The following ADAM33 variants were observed in gnomAD, a reference collection of about 807,000 sequenced individuals.
ADAM33 encodes the protein ADAM metallopeptidase domain 33.
Under a neutral mutation model 106.2 loss-of-function variants are expected in ADAM33, and 103 were observed. That is an observed-to-expected ratio of 0.97 (90% CI 0.83 to 1.14). ADAM33 has a LOEUF of 1.14. ADAM33 is among the 50% of genes most tolerant of loss of function. The pLI, the probability that ADAM33 is intolerant of heterozygous loss-of-function variation, is 0.00. For missense variants in ADAM33, 1,120 were observed against 1,096.6 expected (o/e 1.02, Z -0.30); for synonymous variants, 483 against 453.0 (o/e 1.07, Z -0.84).
rs2087350591 is a variant in ADAM33 at position 3,669,005 on chromosome 20, G to A, written c.2405-5C>T. On this transcript the variant is annotated splice_region_variant and splice_polypyrimidine_tract_variant and intron_variant, in intron 21 of 21. Coordinates refer to ENST00000356518, the MANE Select transcript of ADAM33 (RefSeq NM_025220.5). ...TTGGCATCTGGACTTGATCTGCTGAGAATGAGGAGGATATGTTGTCCCCTA... is the reference window on the plus strand; with the variant it reads ...TTGGCATCTGGACTTGATCTGCTGAAAATGAGGAGGATATGTTGTCCCCTA... 1.2e-6 allele frequency: 2 copies of A among 1,613,994 alleles called. No individual in the cohort carries two copies. Among genetic ancestry groups the A allele is most frequent in the Non-Finnish European group, 8.5e-7 (1 of 1,179,962 alleles).
In ADAM33 at chr20:3,674,607, A is replaced by T. The variant is rs1462376310; in HGVS notation, c.497T>A (p.Ile166Asn). ...GGTGAGCAGCTGCTCCATCCGAAAG[A>T]TCTCGTGGGTTGAGAAGTCCTTGGA... ...RGSKDFSTHEIFRMEQLLTWK... is the reference protein window; with the variant it reads ...RGSKDFSTHENFRMEQLLTWK... Residue 166 changes from isoleucine (I) to asparagine (N), a missense_variant, in exon 6 of 22, where the codon ATC (isoleucine) becomes AAC (asparagine). Transcript: ENST00000356518. 1 of 1,612,890 alleles carries T rather than the reference A, an allele frequency of 6.2e-7. No homozygotes were observed. The highest frequency in any genetic ancestry group is 8.5e-7 in the Non-Finnish European group (1 of 1,179,720).
rs1333861717 is a variant in ADAM33 at position 3,673,558 on chromosome 20, C to A, written c.990+16G>T. On this transcript the variant is annotated intron_variant, in intron 10 of 21. Coordinates refer to ENST00000356518, the MANE Select transcript of ADAM33 (RefSeq NM_025220.5). ...GAGCCTCCTGTCTCTCCCTCGCCCC[C>A]GCCCGCGGGGCTCACCGTGCTCACG... 1.4e-6 allele frequency: 2 copies of A among 1,398,992 alleles called. No individual in the cohort carries two copies. The highest frequency in any genetic ancestry group is 1.6e-5 in the South Asian group (1 of 62,162). The allele number at this position is 1,398,992 out of a possible 1,614,324, so 86.7% of individuals were successfully genotyped here. A position where few individuals can be genotyped will look rare whatever the true frequency, so the allele number is the denominator to read the frequency against.
Position 3,672,918 on chromosome 20 carries a change from A to T in ADAM33, c.1134-20T>A. The stretch of plus-strand genomic sequence containing the variant: ...GGGTGCCTACCGGCACGGGGAGGGC[A>T]TTGGGCATGGAGGGACAGTCCCCCA... On this transcript the variant is annotated intron_variant, in intron 11 of 21. Transcript: ENST00000356518. 1 of 1,546,576 alleles carries T rather than the reference A, an allele frequency of 6.5e-7. No homozygotes were observed. Among genetic ancestry groups the T allele is most frequent in the African/African-American group, 1.4e-5 (1 of 73,100 alleles).
chr20:3,671,397 C>T (rs770818369), intron 17 of ADAM33, 22 bp downstream of exon 17: 28 of 1,611,138 alleles, frequency 1.7e-5, no homozygotes, highest in Non-Finnish European at 2.4e-5. Context: ...CCCAAGGTCA[C>T]CCCCACTCCT....
chr20:3,672,770 C>A lies in ADAM33; in HGVS notation c.1262G>T (p.Gly421Val). ...CTCGCCCGCTTCCACGAAGCCGTTC[C>A]CGCAGAGCGCCGGCGGCACCGGGAG... The part of the protein sequence containing the change: ...PGLPVPPALC[G>V]NGFVEAGEEC... The change falls in exon 12 of 22, where the codon GGG becomes GTG. Residue 421 changes from glycine (G) to valine (V), a missense_variant. By Grantham distance (109) the Gly-to-Val change is moderately radical. Transcript: ENST00000356518. The A allele has an allele frequency of 6.4e-7, 1 of 1,569,246 alleles. No homozygotes were observed. The highest frequency in any genetic ancestry group is 1.8e-5 in the Admixed American group (1 of 55,402).
At chr20:3,672,356 G>A in intron 13 of ADAM33, 27 bp from the exon 14 acceptor site, 1 of 1,606,732 alleles carries the variant, frequency 6.2e-7, no homozygotes. Context: ...TGGTGGGGAA[G>A]GCAGAGAGAG....
chr20:3,679,859 G>A (rs1405715464), intron 1 of ADAM33, among the ~76,000 whole-genome samples: 3 of 152,164 alleles, frequency 2.0e-5, no homozygotes, highest in African/African-American at 4.8e-5. Context: ...GCTTGGGCTC[G>A]GCGATCACAA....
chr20:3,680,902 G>A (rs2088436881), intron 1 of ADAM33, among the ~76,000 whole-genome samples: 2 of 152,158 alleles, frequency 1.3e-5, no homozygotes, highest in South Asian at 2.1e-4. Flanking sequence ...GTGACCGGGT[G>A]AATGGGGGTG....
chr20:3,673,729 G>A lies in ADAM33; in HGVS notation c.905+16C>T. On this transcript the variant is annotated intron_variant, in intron 9 of 21. Transcript: ENST00000356518. The stretch of plus-strand genomic sequence containing the variant: ...CCGCCCCACCCGGGACCCGCGTCCG[G>A]GTCAGAGGCACCCACGTGAGCAGCT... 2 of 1,462,066 alleles carry A rather than the reference G, an allele frequency of 1.4e-6. No individual in the cohort carries two copies. Among genetic ancestry groups the A allele is most frequent in the Non-Finnish European group, 1.8e-6 (2 of 1,112,540 alleles). The allele number at this position is 1,462,066 out of a possible 1,614,324, so 90.6% of individuals were successfully genotyped here.
rs769695564 is a variant in ADAM33 at position 3,673,353 on chromosome 20, C to T, written c.1133+1G>A. The T allele has an allele frequency of 1.9e-6, 3 of 1,538,510 alleles. No homozygotes were observed. The highest frequency in any genetic ancestry group is 2.6e-6 in the Non-Finnish European group (3 of 1,148,570). ...GCAGCCCCGACCCCCCACCCGCGTA[C>T]CCGGTGGCCGCAGCCATGACGCAGC... On this transcript the variant is annotated splice_donor_variant, in intron 11 of 21. Transcript: ENST00000356518. LOFTEE classifies it high-confidence loss of function.
At position 3,668,159 on chromosome 20, in the gene ADAM33, G is replaced by A. The variant is rs2087323700; in HGVS notation, c.*804C>T. 2.0e-5 allele frequency: 3 copies of A among 152,326 alleles called. No homozygotes were observed. Among genetic ancestry groups the A allele is most frequent in the Admixed American group, 2.0e-4 (3 of 15,276 alleles). 9.4% of individuals were successfully genotyped at this position (152,326 alleles called of 1,614,324 possible). A position where few individuals can be genotyped will look rare whatever the true frequency, so the allele number is the denominator to read the frequency against. On this transcript the variant is annotated 3_prime_UTR_variant, in exon 22 of 22. Transcript: ENST00000356518. ...GCCCAGCTAATTTTAAAATTTTTCT[G>A]TAGATGCGGTGTCTTGCTGTGTTGC...
chr20:3,669,882 T>C (rs2087417821), intron 19 of ADAM33: 2 of 541,814 alleles, frequency 3.7e-6, no homozygotes, highest in Non-Finnish European at 6.4e-6. Context: ...TAACATTTCC[T>C]CCAGGCTCTG....
At chr20:3,681,193 C>G (rs2853213) in intron 1 of ADAM33, among the ~76,000 whole-genome samples, 61,319 of 152,034 alleles carry the variant, frequency 0.4, 12,621 homozygotes, top group South Asian at 0.54. Context: ...GCAGGACTGG[C>G]TAATCCTCCC....
rs41323051 is a variant in ADAM33, at chr20:3,670,930, G to C, written c.2240+76C>G. ...GGGGCAAGGCTGAGGGCCTGCCCCAGCTCCCACAGCCCCAGCAGAGCTCTG... is the reference window on the plus strand; with the variant it reads ...GGGGCAAGGCTGAGGGCCTGCCCCACCTCCCACAGCCCCAGCAGAGCTCTG... On this transcript the variant is annotated intron_variant, in intron 19 of 21. Transcript: ENST00000356518. 4,940 of 1,463,090 alleles carry C rather than the reference G, an allele frequency of 3.4e-3. 135 individuals are homozygous for C. The African/African-American group carries it at 0.055, about 16-fold the overall frequency. The allele number at this position is 1,463,090 out of a possible 1,614,324, so 90.6% of individuals were successfully genotyped here.
intron 2 of ADAM33, among the ~76,000 whole-genome samples, chr20:3,678,350 G>A (rs1181802695): frequency 9.2e-5 from 14 of 152,000 alleles, no homozygotes; most frequent in Non-Finnish European, 2.9e-5. Flanking sequence ...GCCCACCGGT[G>A]GGGGAAGCAG....
rs1600195961 is a variant in ADAM33 at position 3,669,593 on chromosome 20, T to G, written c.2285A>C (p.His762Pro). Residue 762 changes from histidine to proline, a missense_variant, in exon 20 of 22, where the codon CAC (histidine) becomes CCC (proline). Physicochemically the swap from His to Pro is moderately conservative, Grantham distance 77. Transcript: ENST00000356518. ...GGCTGTGGGGCCCAACTCCATGGGG[T>G]GAACGCCGCCCAGGGGGTGGTCCCT... ...PHRDHPLGGV[H>P]PMELGPTATG... 6.2e-7 allele frequency: 1 copy of G among 1,603,034 alleles called. No individual in the cohort carries two copies.
chr20:3,672,945 C>A, intron 11 of ADAM33, 47 bp from the exon 12 acceptor site: 1 of 1,483,206 alleles, frequency 6.7e-7, no homozygotes. Context: ...AGTCCCCCAA[C>A]CCCCGCGCTT....
At chr20:3,677,507 T>C (rs1600240770) in intron 2 of ADAM33, among the ~76,000 whole-genome samples, 1 of 152,148 alleles carries the variant, frequency 6.6e-6, no homozygotes, top group African/African-American at 2.4e-5. Flanking sequence ...AGAGGGGTGC[T>C]GAGGACATTA....
chr20:3,674,737 C>T, intron 5 of ADAM33, 36 bp downstream of exon 5: 1 of 1,593,682 alleles, frequency 6.3e-7, no homozygotes, highest in Non-Finnish European at 8.6e-7. Context: ...GAGCTCTTTC[C>T]CCATCCCAGG....
Sources: allele counts gnomAD v4.1 joint callset (sites outside exome capture counted in the v4.1 genomes callset), GRCh38; gene constraint gnomAD v4.1.1; transcripts MANE v1.5; gene names NCBI Gene and HGNC (gene_info 2026-07-23, HGNC 2026-07-21).